The following SCRG1 variants were observed in gnomAD, a reference collection of about 807,000 sequenced individuals.
SCRG1 encodes the protein stimulator of chondrogenesis 1.
Under a neutral mutation model 7.7 loss-of-function variants are expected in SCRG1, and 3 were observed. The observed-to-expected ratio is 0.39, with a 90% CI of 0.18 to 1.01. The LOEUF is 1.01. Among genes scored for constraint, SCRG1 ranks in the 50% least tolerant of loss-of-function variants. SCRG1 has a pLI of 0.36. For missense variants in SCRG1, 110 were observed against 117.2 expected (o/e 0.94, Z 0.28); for synonymous variants, 46 against 41.2 (o/e 1.12, Z -0.44).
At position 173,387,294 on chromosome 4, in the gene SCRG1, T is replaced by G. The variant is rs959815026; in HGVS notation, c.*1047A>C. On this transcript the variant is annotated 3_prime_UTR_variant, in exon 3 of 3. Coordinates refer to ENST00000296506, the MANE Select transcript of SCRG1 (RefSeq NM_007281.4). ...GGCTGAGAATATTTACCTTGAAGGC[T>G]TTTGTTGTTGTTTTTTAAGAGAGTA... 4.6e-5 allele frequency: 7 copies of G among 152,140 alleles called. No individual in the cohort carries two copies. Among genetic ancestry groups the G allele is most frequent in the African/African-American group, 1.2e-4 (5 of 41,412 alleles). 9.4% of individuals were successfully genotyped at this position (152,140 alleles called of 1,614,324 possible). A position where few individuals can be genotyped will look rare whatever the true frequency, so the allele number is the denominator to read the frequency against.
the SCRG1 span, among the ~76,000 whole-genome samples, chr4:173,473,565 G>A: frequency 5.0e-4 from 76 of 152,266 alleles, no homozygotes; most frequent in Middle Eastern, 0.02. Context: ...AAAAATGAGA[G>A]TGGTGTTTAA....
At chr4:173,482,127 A>G in the SCRG1 span, among the ~76,000 whole-genome samples, 1 of 152,216 alleles carries the variant, frequency 6.6e-6, no homozygotes, top group Non-Finnish European at 1.5e-5. Context: ...GTAAGAATAA[A>G]GTAATTAGCA....
the SCRG1 span, among the ~76,000 whole-genome samples, chr4:173,424,740 C>A: frequency 6.6e-6 from 1 of 152,032 alleles, no homozygotes; most frequent in African/African-American, 2.4e-5. Flanking sequence ...GAAACTCTGT[C>A]TCTACTAAAA....
At chr4:173,500,102 C>G in the SCRG1 span, among the ~76,000 whole-genome samples, 1 of 152,230 alleles carries the variant, frequency 6.6e-6, no homozygotes, top group Admixed American at 6.5e-5. Flanking sequence ...GGTTGCCATC[C>G]TCTCTGGCCC....
the SCRG1 span, among the ~76,000 whole-genome samples, chr4:173,495,939 T>C: frequency 6.6e-6 from 1 of 151,948 alleles, no homozygotes; most frequent in East Asian, 1.9e-4. Context: ...CCCAAAAGAG[T>C]AGATGCCCAG....
At chr4:173,473,460 C>T in the SCRG1 span, among the ~76,000 whole-genome samples, 2 of 152,152 alleles carry the variant, frequency 1.3e-5, no homozygotes, top group Non-Finnish European at 2.9e-5. Context: ...AGAGAAGTTT[C>T]TCTAAGATAC....
chr4:173,414,605 T>A, the SCRG1 span, among the ~76,000 whole-genome samples: 1 of 152,168 alleles, frequency 6.6e-6, no homozygotes, highest in Admixed American at 6.5e-5. Context: ...GTCGTTTGAA[T>A]GGGGGATGGC....
the SCRG1 span, among the ~76,000 whole-genome samples, chr4:173,434,879 G>A: frequency 5.9e-5 from 9 of 152,016 alleles, no homozygotes; most frequent in African/African-American, 1.4e-4. Context: ...TCTCAGGTTC[G>A]TAAATATTAG....
chr4:173,483,226 AT>A, the SCRG1 span, among the ~76,000 whole-genome samples: 1 of 32,430 alleles, frequency 3.1e-5, no homozygotes, highest in Non-Finnish European at 5.4e-5. Context: ...TAATATATAT[AT>A]TATATATAAT....
the SCRG1 span, among the ~76,000 whole-genome samples, chr4:173,500,537 T>G: frequency 6.6e-6 from 1 of 152,094 alleles, no homozygotes; most frequent in African/African-American, 2.4e-5. Context: ...TGGAGTGCAG[T>G]GGCGCGATCA....
At chr4:173,513,389 C>A in the SCRG1 span, among the ~76,000 whole-genome samples, 1 of 152,134 alleles carries the variant, frequency 6.6e-6, no homozygotes. Flanking sequence ...TACATCATTA[C>A]TCCCCCCTTT....
the SCRG1 span, among the ~76,000 whole-genome samples, chr4:173,479,817 C>A: frequency 6.6e-6 from 1 of 151,990 alleles, no homozygotes; most frequent in Non-Finnish European, 1.5e-5. Context: ...CCCAGGATGA[C>A]TAGCGAATTG....
At chr4:173,477,683 C>T in the SCRG1 span, among the ~76,000 whole-genome samples, 1 of 151,888 alleles carries the variant, frequency 6.6e-6, no homozygotes, top group East Asian at 1.9e-4. Context: ...TAATGCTAAA[C>T]CCAGTTGGTT....
At chr4:173,394,028 T>C (rs1739526134) in intron 1 of SCRG1, among the ~76,000 whole-genome samples, 1 of 152,162 alleles carries the variant, frequency 6.6e-6, no homozygotes, top group Non-Finnish European at 1.5e-5. Context: ...AAGTCATTTG[T>C]AGAAATCATA....
chr4:173,479,702 A>G, the SCRG1 span, among the ~76,000 whole-genome samples: 1 of 152,168 alleles, frequency 6.6e-6, no homozygotes, highest in South Asian at 2.1e-4. Context: ...CGTCTTCGAA[A>G]TTGCTGGGAT....
upstream of SCRG1, chr4:173,404,013 T>C (rs377177748): frequency 2.0e-5 from 3 of 152,734 alleles, no homozygotes; most frequent in South Asian, 2.1e-4. Context: ...ATTAACTGCA[T>C]TGCCAAGTGT....
the SCRG1 span, among the ~76,000 whole-genome samples, chr4:173,451,453 G>C: frequency 6.6e-6 from 1 of 151,064 alleles, no homozygotes; most frequent in African/African-American, 2.4e-5. Context: ...CAGAGCTTTA[G>C]GGTTATTCTC....
chr4:173,479,686 C>T, the SCRG1 span, among the ~76,000 whole-genome samples: 3 of 152,110 alleles, frequency 2.0e-5, no homozygotes, highest in African/African-American at 4.8e-5. Context: ...GTGATCCACT[C>T]GCCTCCGTCT....
In SCRG1 at chr4:173,385,001, A is replaced by C. The variant is rs2126909570; in HGVS notation, c.*3340T>G. On this transcript the variant is annotated 3_prime_UTR_variant, in exon 3 of 3. Transcript: ENST00000296506. ...TAGATGCTAGTGTAAGACTGGCCATATTCAAAATCTGGCTCAATTGCTCAC... is the reference window on the plus strand; with the variant it reads ...TAGATGCTAGTGTAAGACTGGCCATCTTCAAAATCTGGCTCAATTGCTCAC... The C allele has an allele frequency of 6.6e-6, 1 of 152,320 alleles. No homozygotes were observed. Among genetic ancestry groups the C allele is most frequent in the South Asian group, 2.1e-4 (1 of 4,826 alleles). The allele number at this position is 152,320 out of a possible 1,614,324, so 9.4% of individuals were successfully genotyped here.
Sources: allele counts gnomAD v4.1 joint callset (sites outside exome capture counted in the v4.1 genomes callset), GRCh38; gene constraint gnomAD v4.1.1; transcripts MANE v1.5; gene names NCBI Gene and HGNC (gene_info 2026-07-23, HGNC 2026-07-21).